The following NPIPA5 variants were observed in gnomAD, a reference collection of about 807,000 sequenced individuals.
NPIPA5 encodes nuclear pore complex-interacting protein family member A5.
Under a neutral mutation model 21.4 loss-of-function variants are expected in NPIPA5, and 6 were observed. The ratio of observed to expected loss-of-function variants is 0.28; its 90% CI spans 0.15 to 0.55. The LOEUF is 0.55. NPIPA5 is among the 20% of genes least tolerant of loss of function. The pLI is 0.93. For missense variants in NPIPA5, 99 were observed against 318.2 expected (o/e 0.31, Z 5.24); for synonymous variants, 33 against 115.3 (o/e 0.29, Z 4.57).
chr16:15,369,907 C>A, intron 3 of NPIPA5, 51 bp from the exon 4 acceptor site: 1 of 708,886 alleles, frequency 1.4e-6, no homozygotes, highest in Admixed American at 3.2e-5. Context: ...GGACCTCAGC[C>A]CTTGGTGAGA....
upstream of NPIPA5, among the ~76,000 whole-genome samples, chr16:15,379,958 A>AAT (rs1002877306): frequency 9.3e-5 from 14 of 150,688 alleles, no homozygotes; most frequent in South Asian, 2.1e-4. Context: ...AAAAATAAAA[A>AAT]ATATATATAT....
rs543885277 is a variant in NPIPA5 at position 15,367,079 on chromosome 16, T to G, written c.438-319A>C. 5.3e-5 allele frequency among the ~76,000 whole-genome samples: 8 copies of G among 152,270 alleles called. 1 individual carries two copies. The South Asian group carries it at 1.5e-3, about 28-fold the overall frequency. On this transcript the variant is annotated intron_variant, in intron 4 of 7. Transcript: ENST00000360151. ...CTATGTGCGTCTCTGGGGTCAGTCT[T>G]GTGCTTGACACAGCAAAAGCTCATT... is the stretch of plus-strand genomic sequence containing the variant.
chr16:15,379,993 G>T, upstream of NPIPA5, among the ~76,000 whole-genome samples: 1 of 151,160 alleles, frequency 6.6e-6, no homozygotes, highest in East Asian at 2.1e-4. Flanking sequence ...GTCTGTGTGT[G>T]TGTGTGTGTG....
rs1455767230 is a variant in NPIPA5 at position 15,366,719 on chromosome 16, T to G, written c.479A>C (p.Lys160Thr). Residue 160 changes from lysine (K) to threonine (T), a missense_variant, in exon 5 of 8, where the codon AAG (lysine) becomes ACG (threonine). By Grantham distance (78) the Lys-to-Thr change is moderately conservative (BLOSUM62 -1). This residue lies in a region of NPIPA5 where 12 missense variants were observed against 18.6 expected (regional missense o/e 0.64). Transcript: ENST00000360151. Reference protein sequence around the residue: ...LSMKEREHGEKERQVSEAEEN... With the variant: ...LSMKEREHGETERQVSEAEEN... ...CTCTGCCTCTGACACCTGCCTCTCCTTTTCTCCGTGCTCACGTTCTTTCAT... is the reference window on the plus strand; with the variant it reads ...CTCTGCCTCTGACACCTGCCTCTCCGTTTCTCCGTGCTCACGTTCTTTCAT... The G allele has an allele frequency of 6.5e-7, 1 of 1,535,408 alleles. No individual in the cohort carries two copies. The highest frequency in any genetic ancestry group is 8.7e-7 in the Non-Finnish European group (1 of 1,146,736).
chr16:15,377,601 G>A (rs1039726747), intron 1 of NPIPA5, among the ~76,000 whole-genome samples: 16 of 137,252 alleles, frequency 1.2e-4, no homozygotes, highest in Middle Eastern at 3.4e-3. Context: ...GGAAGGGGAC[G>A]GGGACCGGGG....
intron 4 of NPIPA5, among the ~76,000 whole-genome samples, chr16:15,369,157 TAA>T (rs1205864138): frequency 9.6e-5 from 12 of 124,980 alleles, no homozygotes; most frequent in Admixed American, 2.4e-4. Context: ...ATCTCAAAAT[TAA>T]AAAAAAAAAA....
intron 4 of NPIPA5, among the ~76,000 whole-genome samples, chr16:15,369,028 A>T (rs985365637): frequency 1.3e-4 from 19 of 142,768 alleles, no homozygotes; most frequent in East Asian, 1.1e-3. Context: ...GGTGGCACAC[A>T]CCTGTAATCC....
intron 1 of NPIPA5, among the ~76,000 whole-genome samples, chr16:15,376,827 A>G (rs1431204875): frequency 6.6e-6 from 1 of 152,162 alleles, no homozygotes; most frequent in African/African-American, 2.4e-5. Context: ...GGTCTACTAA[A>G]AATACAAAAA....
chr16:15,380,531 C>T (rs920497795), upstream of NPIPA5, among the ~76,000 whole-genome samples: 26 of 152,138 alleles, frequency 1.7e-4, no homozygotes, highest in East Asian at 4.8e-3. Context: ...CCATATTGGT[C>T]AGGCTGGTCT....
At chr16:15,374,350 C>T (rs1187680749) in intron 1 of NPIPA5, among the ~76,000 whole-genome samples, 2 of 151,692 alleles carry the variant, frequency 1.3e-5, no homozygotes, top group Admixed American at 6.6e-5. Flanking sequence ...CGGTCTCTGC[C>T]ACCATGCCTG....
chr16:15,381,442 A>G, upstream of NPIPA5: 3 of 947,672 alleles, frequency 3.2e-6, no homozygotes, highest in Non-Finnish European at 3.8e-6. Flanking sequence ...AAAAAAGAAA[A>G]TGTTAAGTCT....
At chr16:15,380,634 AGAT>A (rs2050416153), upstream of NPIPA5, among the ~76,000 whole-genome samples, 1 of 151,800 alleles carries the variant, frequency 6.6e-6, no homozygotes, top group Non-Finnish European at 1.5e-5. Context: ...AAACTTGGCA[AGAT>A]AATAAATAAC....
chr16:15,374,445 C>A (rs1339920236), intron 1 of NPIPA5, among the ~76,000 whole-genome samples: 7 of 151,726 alleles, frequency 4.6e-5, no homozygotes, highest in Non-Finnish European at 1.0e-4. Context: ...ATCTGCCTGC[C>A]TCGGCCTCCC....
At position 15,372,103 on chromosome 16, in the gene NPIPA5, C is replaced by A. The variant is rs185100620; in HGVS notation, c.192+1612G>T. The stretch of plus-strand genomic sequence containing the variant: ...TGCTTAGGAGGTAATGACTAGATGA[C>A]AAGGACAAAGATGAGAGGTACAAAG... On this transcript the variant is annotated intron_variant, in intron 2 of 7. Coordinates refer to ENST00000360151, the MANE Select transcript of NPIPA5 (RefSeq NM_001277325.2). Among the ~76,000 whole-genome samples the A allele has an allele frequency of 1.6e-3, 234 of 148,892 alleles. 8 individuals carry two copies. The highest frequency in any genetic ancestry group is 5.5e-3 in the African/African-American group (225 of 40,890).
At chr16:15,371,578 C>T (rs1022971175) in intron 2 of NPIPA5, among the ~76,000 whole-genome samples, 5 of 143,614 alleles carry the variant, frequency 3.5e-5, no homozygotes, top group South Asian at 2.3e-4. Context: ...CCTTGGCTCA[C>T]GGCAACCTCC....
At chr16:15,369,450 G>GAA (rs879091675) in intron 4 of NPIPA5, among the ~76,000 whole-genome samples, 102 of 132,924 alleles carry the variant, frequency 7.7e-4, no homozygotes, top group Admixed American at 1.2e-3. Flanking sequence ...TCCGTCTCAG[G>GAA]AAAAAAAAAA....
At position 15,367,320 on chromosome 16, in the gene NPIPA5, G is replaced by A. The variant is rs962782875; in HGVS notation, c.438-560C>T. 2.0e-5 allele frequency among the ~76,000 whole-genome samples: 3 copies of A among 152,110 alleles called. No homozygotes were observed. In the South Asian group the frequency reaches 6.2e-4, roughly 32 times the overall value. On this transcript the variant is annotated intron_variant, in intron 4 of 7. Coordinates refer to ENST00000360151, the MANE Select transcript of NPIPA5 (RefSeq NM_001277325.2). Reference sequence around the variant, plus strand: ...CTGCACTTTGCCATGATTCAGGACTGGAACTCTTGTCATCGACTTTAAAGA... The same window carrying A: ...CTGCACTTTGCCATGATTCAGGACTAGAACTCTTGTCATCGACTTTAAAGA...
At chr16:15,377,651 A>AAGGGGAAGGGGAGGGGGAGGGGG (rs2050339061) in intron 1 of NPIPA5, among the ~76,000 whole-genome samples, 1 of 65,424 alleles carries the variant, frequency 1.5e-5, no homozygotes, top group Non-Finnish European at 2.8e-5. Flanking sequence ...GGGGGAGGGG[A>AAGGGGAAGGGGAGGGGGAGGGGG]AGGGGAAGGG....
intron 1 of NPIPA5, among the ~76,000 whole-genome samples, chr16:15,377,724 G>A (rs143221718): frequency 0.14 from 17,289 of 122,500 alleles, 1,892 homozygotes; most frequent in East Asian, 0.47. Context: ...GGAGGAGGAG[G>A]AGGAGAAGAA....
Sources: gnomAD v4.1 joint callset for allele counts (sites outside exome capture counted in the v4.1 genomes callset) on GRCh38, gnomAD v4.1.1 for gene constraint, gnomAD v4.1.1 regional missense constraint, MANE v1.5 for transcripts, NCBI Gene and HGNC (gene_info 2026-07-23, HGNC 2026-07-21) for gene names.